CREB5: variants seen among roughly 807,000 people sequenced by gnomAD.
CREB5 encodes the protein cAMP responsive element binding protein 5.
A neutral mutation model predicts 57.1 loss-of-function variants in CREB5; 19 were observed. The ratio of observed to expected loss-of-function variants is 0.33; its 90% confidence interval spans 0.23 to 0.49. CREB5 has a LOEUF of 0.49. Among genes scored for constraint, CREB5 ranks in the 20% least tolerant of loss-of-function variants. CREB5 has a pLI of 0.99. For synonymous variants in CREB5, 238 were observed against 238.3 expected (o/e 1.00, Z 0.01); for missense variants, 579 against 671.6 (o/e 0.86, Z 1.52).
intron 7 of CREB5, 27 bp from the exon 8 acceptor site, chr7:28,804,172 T>C (rs1418822624): frequency 1.9e-6 from 3 of 1,598,658 alleles, no homozygotes; most frequent in Non-Finnish European, 2.6e-6. Context: ...TCAGTTGTTC[T>C]CTCTCCTCCC....
intron 5 of CREB5, among the ~76,000 whole-genome samples, chr7:28,613,992 T>A (rs1797503173): frequency 6.6e-6 from 1 of 152,208 alleles, no homozygotes; most frequent in Non-Finnish European, 1.5e-5. Flanking sequence ...AGGGTCTCAC[T>A]CTGTCACCCA....
In CREB5 at chr7:28,638,578, C is replaced by A. The variant is rs114395109; in HGVS notation, c.464+68041C>A. ...CCCAGGTTGATCTTGAATTCCTGGG[C>A]TCAAGACATCCACCAGCCTCAGCCT... On this transcript the variant is annotated intron_variant, in intron 5 of 10. Coordinates refer to ENST00000357727, the MANE Select transcript of CREB5 (RefSeq NM_182898.4). Among the ~76,000 whole-genome samples, 376 of 152,186 alleles carry A rather than the reference C, an allele frequency of 2.5e-3. 1 individual carries two copies. Among genetic ancestry groups the A allele is most frequent in the African/African-American group, 8.5e-3 (352 of 41,518 alleles).
chr7:28,585,594 A>C (rs1273495842), intron 5 of CREB5, among the ~76,000 whole-genome samples: 2 of 152,132 alleles, frequency 1.3e-5, no homozygotes, highest in African/African-American at 4.8e-5. Context: ...AACTTTTCCT[A>C]ATTCTTTTTG....
chr7:28,488,183 G>A lies in CREB5; in HGVS notation c.12G>A (p.Glu4=), dbSNP rs1399807939. Residue 4 remains glutamate (E), a synonymous_variant, in exon 2 of 11, where the codon GAG becomes GAA. Transcript: ENST00000357727. MIY[E]ESKMNLEQER... ...TCCCTCTGATCCTTCAGATTTATGA[G>A]GAATCCAAGATGAATTTGGAGCAGG... is the stretch of plus-strand genomic sequence containing the variant. 3.1e-6 allele frequency: 5 copies of A among 1,613,696 alleles called. No homozygotes were observed. In the South Asian group the frequency reaches 5.5e-5, roughly 18 times the overall value.
chr7:28,546,043 C>T (rs974701704), intron 4 of CREB5, among the ~76,000 whole-genome samples: 4 of 152,168 alleles, frequency 2.6e-5, no homozygotes, highest in Non-Finnish European at 5.9e-5. Context: ...AGGCATCACT[C>T]CCCGTCCCCA....
intron 7 of CREB5, among the ~76,000 whole-genome samples, chr7:28,754,045 C>G (rs1330856358): frequency 6.6e-6 from 1 of 151,254 alleles, no homozygotes; most frequent in African/African-American, 2.4e-5. Context: ...ATCTAGCTTT[C>G]ATTTTTAATC....
At chr7:28,381,986 A>C (rs1369785639) in intron 1 of CREB5, among the ~76,000 whole-genome samples, 1 of 152,218 alleles carries the variant, frequency 6.6e-6, no homozygotes, top group Non-Finnish European at 1.5e-5. Flanking sequence ...AGAACCAGGG[A>C]AACCTGCTGT....
At chr7:28,811,262 C>T (rs1809104793) in intron 9 of CREB5, among the ~76,000 whole-genome samples, 1 of 152,294 alleles carries the variant, frequency 6.6e-6, no homozygotes, top group Non-Finnish European at 1.5e-5. Context: ...TGCTTGACCA[C>T]TTGGCAAGGA....
At chr7:28,756,100 C>T (rs1213299533) in intron 7 of CREB5, among the ~76,000 whole-genome samples, 2 of 152,124 alleles carry the variant, frequency 1.3e-5, no homozygotes, top group Non-Finnish European at 2.9e-5. Flanking sequence ...TGTATGCAAA[C>T]CCTCCTACCT....
intron 4 of CREB5, among the ~76,000 whole-genome samples, chr7:28,548,147 C>G (rs1217195823): frequency 6.6e-6 from 1 of 152,106 alleles, no homozygotes; most frequent in East Asian, 1.9e-4. Flanking sequence ...GAAATTGGCC[C>G]ATGAATTTGA....
At chr7:28,496,237 G>C (rs577244595) in intron 3 of CREB5, among the ~76,000 whole-genome samples, 71 of 152,254 alleles carry the variant, frequency 4.7e-4, no homozygotes, top group Non-Finnish European at 6.9e-4. Context: ...TTTCACCTTA[G>C]CACTTCTCTC....
intron 4 of CREB5, among the ~76,000 whole-genome samples, chr7:28,516,552 GGGCCACTTCTTT>G (rs1383246256): frequency 1.3e-5 from 2 of 152,162 alleles, no homozygotes; most frequent in Non-Finnish European, 2.9e-5. Context: ...CAGCCTGTAA[GGGCCACTTCTTT>G]GGCCCGCCCT....
chr7:28,662,638 C>G (rs576234933), intron 5 of CREB5, among the ~76,000 whole-genome samples: 20 of 152,304 alleles, frequency 1.3e-4, no homozygotes, highest in South Asian at 6.2e-4. Context: ...CCAGCTCCCC[C>G]CAACACACAG....
At chr7:28,330,383 T>C (rs1474593710) in intron 1 of CREB5, among the ~76,000 whole-genome samples, 3 of 150,586 alleles carry the variant, frequency 2.0e-5, no homozygotes, top group African/African-American at 7.4e-5. Context: ...TCTTTTAGCT[T>C]GTGCTAAGAG....
At chr7:28,711,212 G>C (rs1802384168) in intron 5 of CREB5, among the ~76,000 whole-genome samples, 1 of 152,106 alleles carries the variant, frequency 6.6e-6, no homozygotes, top group African/African-American at 2.4e-5. Context: ...CTAGGGAAGA[G>C]GCAGAGAATA....
Position 28,556,442 on chromosome 7 carries a change from A to G in CREB5, c.292-13923A>G, listed in dbSNP as rs149947557. Among the ~76,000 whole-genome samples, 928 of 152,044 alleles carry G rather than the reference A, an allele frequency of 6.1e-3. 9 individuals carry two copies. The highest frequency in any genetic ancestry group is 0.022 in the African/African-American group (893 of 41,452). On this transcript the variant is annotated intron_variant, in intron 4 of 10. Coordinates refer to ENST00000357727, the MANE Select transcript of CREB5 (RefSeq NM_182898.4). ...GCACACCATGGGATGGGTGCGTCTTAGCTCTGCCGTCTATTGTTTTTTTCA... is the reference window on the plus strand; with the variant it reads ...GCACACCATGGGATGGGTGCGTCTTGGCTCTGCCGTCTATTGTTTTTTTCA...
In CREB5 at chr7:28,618,040, G is replaced by A. The variant is rs545701970; in HGVS notation, c.464+47503G>A. ...ACACAGAGAAAAGCTTTATGAGAAC[G>A]TGATAGGAAGACATCGCTTCTAGGT... is the stretch of plus-strand genomic sequence containing the variant. On this transcript the variant is annotated intron_variant, in intron 5 of 10. Coordinates refer to ENST00000357727, the MANE Select transcript of CREB5 (RefSeq NM_182898.4). Among the ~76,000 whole-genome samples, 5 of 152,284 alleles carry A rather than the reference G, an allele frequency of 3.3e-5. No homozygotes were observed. The East Asian group carries it at 5.8e-4, about 18-fold the overall frequency.
chr7:28,803,550 A>G (rs554484224), intron 7 of CREB5, among the ~76,000 whole-genome samples: 1 of 152,084 alleles, frequency 6.6e-6, no homozygotes, highest in Non-Finnish European at 1.5e-5. Flanking sequence ...CGAGGTCAGG[A>G]GTTCAAGACC....
At chr7:28,386,225 T>C (rs1431328195) in intron 1 of CREB5, among the ~76,000 whole-genome samples, 1 of 152,230 alleles carries the variant, frequency 6.6e-6, no homozygotes, top group Non-Finnish European at 1.5e-5. Flanking sequence ...TCAAATTTCT[T>C]TAATTGAGTG....
Sources: allele counts gnomAD v4.1 joint callset (sites outside exome capture counted in the v4.1 genomes callset), GRCh38; gene constraint gnomAD v4.1.1; transcripts MANE v1.5; gene names NCBI Gene and HGNC (gene_info 2026-07-23, HGNC 2026-07-21).